The following RAB11FIP3 variants were observed in gnomAD, a reference collection of about 807,000 sequenced individuals.
RAB11FIP3 encodes rab11 family-interacting protein 3.
Under a neutral mutation model 77.8 loss-of-function variants are expected in RAB11FIP3, and 17 were observed. The observed-to-expected ratio is 0.22, with a 90% CI of 0.15 to 0.33. RAB11FIP3 has a LOEUF of 0.33. RAB11FIP3 is among the 10% of genes least tolerant of loss of function. RAB11FIP3 has a pLI of 1.00. For missense variants in RAB11FIP3, 1,005 were observed against 1,011.2 expected (o/e 0.99, Z 0.08); for synonymous variants, 437 against 448.2 (o/e 0.98, Z 0.31).
At chr16:497,939 C>CAAAA (rs747783090) in intron 6 of RAB11FIP3, among the ~76,000 whole-genome samples, 8 of 46,132 alleles carry the variant, frequency 1.7e-4, no homozygotes, top group African/African-American at 4.0e-4. Flanking sequence ...CCTGTCTCTA[C>CAAAA]AAAAAAAAAA....
chr16:500,067 A>G (rs917397849), intron 6 of RAB11FIP3, among the ~76,000 whole-genome samples: 1 of 152,216 alleles, frequency 6.6e-6, no homozygotes. Context: ...GCCTGGCTGC[A>G]TTGCTCACCT....
chr16:499,353 A>G (rs2031353424), intron 6 of RAB11FIP3, among the ~76,000 whole-genome samples: 1 of 152,228 alleles, frequency 6.6e-6, no homozygotes. Flanking sequence ...AGCTGGTGAC[A>G]TGAAAGACCG....
intron 3 of RAB11FIP3, chr16:474,922 T>C: frequency 6.5e-7 from 1 of 1,542,932 alleles, no homozygotes; most frequent in Non-Finnish European, 8.8e-7. Flanking sequence ...CGCACAGGCT[T>C]TGCAGAAACC....
Position 488,866 on chromosome 16 carries a change from C to G in RAB11FIP3, c.1131C>G (p.Gly377=), listed in dbSNP as rs1393809303. 1 of 1,613,908 alleles carries G rather than the reference C, an allele frequency of 6.2e-7. No individual in the cohort carries two copies. Among genetic ancestry groups the G allele is most frequent in the Non-Finnish European group, 8.5e-7 (1 of 1,179,960 alleles). Residue 377 remains glycine (G), a synonymous_variant, in exon 5 of 14, where the codon GGC becomes GGG. Coordinates refer to ENST00000262305, the MANE Select transcript of RAB11FIP3 (RefSeq NM_014700.4). ...TACTTTGCAGGCCTCACCCCCATGG[C>G]CAGTCTGTCATCACGGTGATCGGGG... ...LLLPGRPHPH[G]QSVITVIGGE... is the part of the protein sequence containing the mutation.
intron 1 of RAB11FIP3, among the ~76,000 whole-genome samples, chr16:438,531 G>C (rs752534114): frequency 7.1e-6 from 1 of 141,348 alleles, no homozygotes; most frequent in Non-Finnish European, 1.5e-5. Context: ...TCAGCCTCAC[G>C]AGTAGCTGGG....
intron 8 of RAB11FIP3, among the ~76,000 whole-genome samples, chr16:509,714 A>G (rs1039541592): frequency 1.3e-5 from 2 of 151,414 alleles, no homozygotes; most frequent in African/African-American, 4.9e-5. Flanking sequence ...CTCTATACCC[A>G]CTTCCCCAGC....
At chr16:428,198 G>A (rs2054983434) in intron 1 of RAB11FIP3, among the ~76,000 whole-genome samples, 1 of 152,150 alleles carries the variant, frequency 6.6e-6, no homozygotes. Flanking sequence ...ACAGGTGCGT[G>A]CGGGGCAGCC....
At chr16:434,038 G>C (rs1371084826) in intron 1 of RAB11FIP3, among the ~76,000 whole-genome samples, 1 of 152,166 alleles carries the variant, frequency 6.6e-6, no homozygotes, top group Non-Finnish European at 1.5e-5. Flanking sequence ...AATCTCAGTA[G>C]TGGGATTGCT....
chr16:436,488 T>A (rs944774531), intron 1 of RAB11FIP3, among the ~76,000 whole-genome samples: 35 of 152,100 alleles, frequency 2.3e-4, no homozygotes, highest in Middle Eastern at 3.4e-3. Context: ...ATTTATTTGT[T>A]TATTTATTTT....
Position 425,801 on chromosome 16 carries a change from G to T in RAB11FIP3, c.-206G>T. 3.0e-6 allele frequency: 1 copy of T among 331,652 alleles called. No individual in the cohort carries two copies. The highest frequency in any genetic ancestry group is 5.5e-6 in the Non-Finnish European group (1 of 183,330). The allele number at this position is 331,652 out of a possible 1,614,324, so 20.5% of individuals were successfully genotyped here. A position where few individuals can be genotyped will look rare whatever the true frequency, so the allele number is the denominator to read the frequency against. On this transcript the variant is annotated 5_prime_UTR_variant, in exon 1 of 14. Coordinates refer to ENST00000262305, the MANE Select transcript of RAB11FIP3 (RefSeq NM_014700.4). The stretch of plus-strand genomic sequence containing the variant: ...GGCCGCCCCGCCGCCATGGGCCTGC[G>T]CCCGCCGCGCCGCCGGGCCGAGGGC...
At chr16:518,036 G>T (rs1187169850) in intron 9 of RAB11FIP3, among the ~76,000 whole-genome samples, 1 of 152,158 alleles carries the variant, frequency 6.6e-6, no homozygotes, top group Non-Finnish European at 1.5e-5. Context: ...GAGCCGAGAT[G>T]GTGCCACTGC....
At chr16:464,955 G>T (rs889703349) in intron 2 of RAB11FIP3, among the ~76,000 whole-genome samples, 1 of 152,132 alleles carries the variant, frequency 6.6e-6, no homozygotes, top group Non-Finnish European at 1.5e-5. Flanking sequence ...TAGAGAATGC[G>T]ATCTTTATGA....
intron 1 of RAB11FIP3, among the ~76,000 whole-genome samples, chr16:443,856 G>A (rs1047306927): frequency 3.3e-4 from 50 of 152,288 alleles, no homozygotes; most frequent in Middle Eastern, 3.4e-3. Context: ...GAGCCATCGC[G>A]CCCGGCCTGG....
intron 1 of RAB11FIP3, among the ~76,000 whole-genome samples, chr16:433,369 G>A (rs1199479735): frequency 2.7e-5 from 4 of 149,322 alleles, no homozygotes; most frequent in Non-Finnish European, 4.4e-5. Context: ...CCCTCCTGAT[G>A]CTTCCCAGCC....
rs573838629 is a variant in RAB11FIP3 at position 475,153 on chromosome 16, G to C, written c.903+3764G>C. On this transcript the variant is annotated intron_variant, in intron 3 of 13. Transcript: ENST00000262305. ...CCAGTATTCCTATTTCTGTGGTGGA[G>C]AGAGGCTCAGGGAAGAAGGAACTGT... 2.0e-4 allele frequency: 303 copies of C among 1,507,898 alleles called. 1 individual carries two copies. The African/African-American group carries it at 3.7e-3, about 18-fold the overall frequency. The allele number at this position is 1,507,898 out of a possible 1,614,324, so 93.4% of individuals were successfully genotyped here.
At chr16:440,468 A>G (rs893893232) in intron 1 of RAB11FIP3, among the ~76,000 whole-genome samples, 5 of 152,208 alleles carry the variant, frequency 3.3e-5, no homozygotes, top group East Asian at 1.9e-4. Flanking sequence ...CAGTGGCCCA[A>G]AGTCCAAGGG....
At chr16:450,779 G>A (rs2055394202) in intron 1 of RAB11FIP3, among the ~76,000 whole-genome samples, 1 of 152,096 alleles carries the variant, frequency 6.6e-6, no homozygotes, top group African/African-American at 2.4e-5. Context: ...CTAGAGAAGC[G>A]CCATAAAGGG....
chr16:498,674 A>G (rs915051546), intron 6 of RAB11FIP3, among the ~76,000 whole-genome samples: 3 of 151,550 alleles, frequency 2.0e-5, no homozygotes, highest in Admixed American at 6.6e-5. Context: ...GCATGCCACC[A>G]TACCCAGATG....
At chr16:515,489 G>A (rs916118631) in intron 9 of RAB11FIP3, among the ~76,000 whole-genome samples, 27 of 151,404 alleles carry the variant, frequency 1.8e-4, no homozygotes, top group Non-Finnish European at 3.1e-4. Context: ...TGGCTGACAC[G>A]GACCGGGGTT....
Sources: gnomAD v4.1 joint callset for allele counts (sites outside exome capture counted in the v4.1 genomes callset) on GRCh38, gnomAD v4.1.1 for gene constraint, MANE v1.5 for transcripts, NCBI Gene and HGNC (gene_info 2026-07-23, HGNC 2026-07-21) for gene names.